Variants in SLC22A15 observed in about 807,000 individuals in gnomAD.
SLC22A15 encodes the protein flipt 1.
SLC22A15 carries 45 observed loss-of-function variants against 62.7 expected under a neutral mutation model. The observed-to-expected ratio is 0.72, with a 90% confidence interval of 0.56 to 0.92. The LOEUF (loss-of-function observed/expected upper bound fraction) is 0.92, where lower values mean the gene tolerates loss of function less well. SLC22A15 is among the 40% of genes least tolerant of loss of function. The pLI is 0.00. For synonymous variants in SLC22A15, 264 were observed against 267.0 expected (o/e 0.99, Z 0.11); for missense variants, 622 against 665.6 (o/e 0.93, Z 0.72).
chr1:116,063,064 G>A (rs1036369185), intron 9 of SLC22A15, among the ~76,000 whole-genome samples, 182 bp downstream of exon 9: 16 of 152,198 alleles, frequency 1.1e-4, no homozygotes, highest in Non-Finnish European at 2.4e-4. Context: ...GCTCTGCTAG[G>A]AAAATGTCAC....
intron 5 of SLC22A15, among the ~76,000 whole-genome samples, chr1:116,029,403 C>T (rs1329817517): frequency 6.6e-6 from 1 of 152,120 alleles, no homozygotes; most frequent in Non-Finnish European, 1.5e-5. Flanking sequence ...TTCAAAGGAG[C>T]CCACGGCACA....
intron 2 of SLC22A15, among the ~76,000 whole-genome samples, chr1:116,000,862 G>T (rs1655695729): frequency 6.6e-6 from 1 of 152,018 alleles, no homozygotes; most frequent in African/African-American, 2.4e-5. Context: ...TTGATCTCCT[G>T]ACCTCATGAT....
At chr1:116,004,106 C>T (rs1021404076) in intron 2 of SLC22A15, among the ~76,000 whole-genome samples, 21 of 152,138 alleles carry the variant, frequency 1.4e-4, no homozygotes, top group African/African-American at 4.8e-4. Context: ...TTATTACTTC[C>T]TTGTTATATA....
chr1:116,024,353 T>C (rs942463756), intron 4 of SLC22A15, among the ~76,000 whole-genome samples: 9 of 152,200 alleles, frequency 5.9e-5, no homozygotes, highest in African/African-American at 2.2e-4. Flanking sequence ...GTCATAACTA[T>C]ATACTCTTTT....
intron 4 of SLC22A15, among the ~76,000 whole-genome samples, chr1:116,023,576 C>G (rs938792190): frequency 1.3e-5 from 2 of 152,112 alleles, no homozygotes; most frequent in African/African-American, 4.8e-5. Flanking sequence ...CCAGACACTG[C>G]TTTTTTTAGA....
rs963507115 is a variant in SLC22A15, at chr1:116,030,067, G to A, written c.729-1299G>A. ...TACTTGATTATTTATTTGTTTGTCCGTAATAATAATCAAATGGCAATGAAG... is the reference window on the plus strand; with the variant it reads ...TACTTGATTATTTATTTGTTTGTCCATAATAATAATCAAATGGCAATGAAG... On this transcript the variant is annotated intron_variant, in intron 5 of 11. Transcript: ENST00000369503. Among the ~76,000 whole-genome samples, 12 of 152,084 alleles carry A rather than the reference G, an allele frequency of 7.9e-5. No individual in the cohort carries two copies. The East Asian group carries it at 9.6e-4, about 12-fold the overall frequency.
Position 116,067,835 on chromosome 1 carries a change from A to G in SLC22A15, c.*727A>G, listed in dbSNP as rs1213559473. 3 of 152,134 alleles carry G rather than the reference A, an allele frequency of 2.0e-5. No homozygotes were observed. Among genetic ancestry groups the G allele is most frequent in the African/African-American group, 7.2e-5 (3 of 41,420 alleles). The allele number at this position is 152,134 out of a possible 1,614,324, so 9.4% of individuals were successfully genotyped here. A position where few individuals can be genotyped will look rare whatever the true frequency, so the allele number is the denominator to read the frequency against. On this transcript the variant is annotated 3_prime_UTR_variant, in exon 12 of 12. Coordinates refer to ENST00000369503, the MANE Select transcript of SLC22A15 (RefSeq NM_018420.3). ...GCCTGTCAGCTCCCTTGGATACTAT[A>G]TTGTATGATTTCTTCCTTTCCCACT...
chr1:116,023,013 A>T (rs927642007), intron 4 of SLC22A15, among the ~76,000 whole-genome samples: 1 of 152,172 alleles, frequency 6.6e-6, no homozygotes, highest in Non-Finnish European at 1.5e-5. Flanking sequence ...GATTTTATCT[A>T]CACCTGTGGC....
intron 1 of SLC22A15, among the ~76,000 whole-genome samples, chr1:115,988,839 C>T (rs1215564930): frequency 6.6e-6 from 1 of 152,010 alleles, no homozygotes; most frequent in Non-Finnish European, 1.5e-5. Context: ...GGCTGAGGAC[C>T]TAGTATTAAT....
chr1:116,034,900 A>T (rs1657575909), intron 6 of SLC22A15, among the ~76,000 whole-genome samples: 1 of 152,260 alleles, frequency 6.6e-6, no homozygotes, highest in African/African-American at 2.4e-5. Context: ...GCTTGCTGAA[A>T]GCACATGCAA....
At chr1:116,013,097 T>C (rs142548454) in intron 2 of SLC22A15, among the ~76,000 whole-genome samples, 76 of 152,358 alleles carry the variant, frequency 5.0e-4, no homozygotes, top group African/African-American at 1.8e-3. Flanking sequence ...GGTATGATGT[T>C]CGGTAGGTTA....
intron 8 of SLC22A15, among the ~76,000 whole-genome samples, chr1:116,057,318 A>T (rs1275720392): frequency 2.6e-5 from 4 of 151,932 alleles, no homozygotes; most frequent in Non-Finnish European, 4.4e-5. Context: ...GCTCATCATC[A>T]CTCGCCATCA....
intron 1 of SLC22A15, among the ~76,000 whole-genome samples, chr1:115,988,300 A>T (rs1235931818): frequency 2.0e-5 from 3 of 152,182 alleles, no homozygotes; most frequent in Non-Finnish European, 4.4e-5. Context: ...TGTGCATGGT[A>T]GTTGTAGATA....
chr1:116,048,473 C>A (rs1428250172), intron 8 of SLC22A15, among the ~76,000 whole-genome samples: 1 of 152,106 alleles, frequency 6.6e-6, no homozygotes, highest in African/African-American at 2.4e-5. Flanking sequence ...AATTTTGTAT[C>A]CAGTGAAATT....
At chr1:116,056,659 T>C (rs537563159) in intron 8 of SLC22A15, among the ~76,000 whole-genome samples, 2 of 151,946 alleles carry the variant, frequency 1.3e-5, no homozygotes, top group Admixed American at 1.3e-4. Context: ...CAAACTATAC[T>C]ACAAGGCTAC....
chr1:116,035,245 A>G lies in SLC22A15; in HGVS notation c.1003A>G (p.Ser335Gly), dbSNP rs1021995952. The change falls in exon 7 of 12, where the codon AGT (serine) becomes GGT (glycine). Residue 335 changes from serine (S) to glycine (G), a missense_variant. Ser to Gly is a moderately conservative substitution (Grantham distance 56). Transcript: ENST00000369503. ...LTLSAGDLGG[S>G]IYANLALSGL... ...TCTGAGTGCGGGTGATCTAGGTGGA[A>G]GTATTTATGCCAACCTGGCCCTGTC... The G allele has an allele frequency of 2.5e-6, 4 of 1,613,478 alleles. No individual in the cohort carries two copies. The African/African-American group carries it at 5.3e-5, about 22-fold the overall frequency.
chr1:116,041,939 GGTTT>G (rs371828342), intron 8 of SLC22A15, among the ~76,000 whole-genome samples: 317 of 151,736 alleles, frequency 2.1e-3, no homozygotes, highest in Admixed American at 4.5e-3. Flanking sequence ...GGAAAACCCT[GGTTT>G]GTTTGTTTGT....
At chr1:115,995,808 CTT>C (rs1570701623) in intron 2 of SLC22A15, among the ~76,000 whole-genome samples, 2 of 150,660 alleles carry the variant, frequency 1.3e-5, no homozygotes. Flanking sequence ...CAAGCTGCCT[CTT>C]GTGTCCTTTT....
At chr1:116,049,335 A>G (rs1443947484) in intron 8 of SLC22A15, among the ~76,000 whole-genome samples, 6 of 152,226 alleles carry the variant, frequency 3.9e-5, no homozygotes, top group Non-Finnish European at 1.5e-5. Context: ...TCCAAGATAG[A>G]CTATATGATA....
Sources: gnomAD v4.1 joint callset for allele counts (sites outside exome capture counted in the v4.1 genomes callset) on GRCh38, gnomAD v4.1.1 for gene constraint, MANE v1.5 for transcripts, NCBI Gene and HGNC (gene_info 2026-07-23, HGNC 2026-07-21) for gene names.